Variants in NAIF1 observed in about 807,000 individuals in gnomAD.
NAIF1 encodes the protein nuclear apoptosis inducing factor 1, also known as nuclear apoptosis-inducing factor 1.
In NAIF1, 14 loss-of-function variants were observed where a neutral mutation model predicts 20.7. That is an observed-to-expected ratio of 0.67 (90% CI 0.45 to 1.05). The LOEUF is 1.05. NAIF1 is among the 50% of genes least tolerant of loss of function. The pLI, the probability that NAIF1 is intolerant of heterozygous loss-of-function variation, is 0.00. For missense variants in NAIF1, 362 were observed against 448.8 expected (o/e 0.81, Z 1.75); for synonymous variants, 191 against 191.4 (o/e 1.00, Z 0.02).
In NAIF1 at chr9:128,066,855, C is replaced by T; in HGVS notation, c.247G>A (p.Val83Ile). Reference protein sequence around the residue: ...SDLKTEVRRKVAQVRAAVEGG... With the variant: ...SDLKTEVRRKIAQVRAAVEGG... ...TCCACGGCGGCCCGGACCTGGGCAA[C>T]CTTGCGACGGACCTCGGTCTTGAGG... Residue 83 changes from valine (V) to isoleucine (I), a missense_variant, in exon 1 of 2, where the codon GTT becomes ATT. By Grantham distance (29) the Val-to-Ile change is conservative. Transcript: ENST00000373078. 3 of 1,612,770 alleles carry T rather than the reference C, an allele frequency of 1.9e-6. No individual in the cohort carries two copies. The highest frequency in any genetic ancestry group is 2.5e-6 in the Non-Finnish European group (3 of 1,179,910).
In NAIF1 at chr9:128,063,466, C is replaced by A. The variant is rs2130771962; in HGVS notation, c.946G>T (p.Val316Leu). 8 of 1,609,452 alleles carry A rather than the reference C, an allele frequency of 5.0e-6. No homozygotes were observed. The East Asian group carries it at 1.8e-4, about 36-fold the overall frequency. Reference sequence around the variant, plus strand: ...CTGTCTGGCTGCCCATTCTGGGCCACCTGCCCAGGGTCAGAGGCGGGGGCC... The same window carrying A: ...CTGTCTGGCTGCCCATTCTGGGCCAACTGCCCAGGGTCAGAGGCGGGGGCC... ...NPAPASDPGQ[V>L]AQNGQPDSII... Residue 316 changes from valine (V) to leucine (L), a missense_variant, in exon 2 of 2, where the codon GTG (valine) becomes TTG (leucine). Transcript: ENST00000373078. This position sits in a 1 kb window ranked among gnomAD's most constrained non-coding sequence, Gnocchi z 4.3.
Position 128,063,589 on chromosome 9 carries a change from T to C in NAIF1, c.823A>G (p.Met275Val). The C allele has an allele frequency of 6.2e-7, 1 of 1,613,030 alleles. No homozygotes were observed. The highest frequency in any genetic ancestry group is 8.5e-7 in the Non-Finnish European group (1 of 1,180,042). Residue 275 changes from methionine (M) to valine (V), a missense_variant, in exon 2 of 2, where the codon ATG becomes GTG. This residue lies in a region of NAIF1 where 300 missense variants were observed against 342.7 expected (regional missense o/e 0.88). Coordinates refer to ENST00000373078, the MANE Select transcript of NAIF1 (RefSeq NM_197956.4). The surrounding 1 kb of genome is among the most constrained non-coding windows in gnomAD (Gnocchi z 4.3). ...CTCAGGGCAGCCTGTGTGCCCTCCA[T>C]GGCCTGGGCCTGGCGCTCCTGGGCA... ...ACAQERQAQA[M>V]EGTQAALSVL...
chr9:128,063,691 T>C lies in NAIF1; in HGVS notation c.721A>G (p.Lys241Glu). The change falls in exon 2 of 2, where the codon AAG becomes GAG. Residue 241 changes from lysine to glutamate, a missense_variant. Around this residue, in one of 3 missense-constraint regions of NAIF1, gnomAD observed 300 missense variants for 342.7 expected, o/e 0.88. Coordinates refer to ENST00000373078, the MANE Select transcript of NAIF1 (RefSeq NM_197956.4). The surrounding 1 kb of genome is among the most constrained non-coding windows in gnomAD (Gnocchi z 4.3). Reference protein sequence around the residue: ...QEQRVTNLHVKEIAQHLEQQN... With the variant: ...QEQRVTNLHVEEIAQHLEQQN... ...TGTTCCAGGTGCTGTGCGATCTCCT[T>C]CACATGCAGGTTGGTGACCCGCTGC... 6.2e-7 allele frequency: 1 copy of C among 1,614,220 alleles called. No homozygotes were observed. The highest frequency in any genetic ancestry group is 8.5e-7 in the Non-Finnish European group (1 of 1,180,032).
rs754702783 is a variant in NAIF1 at position 128,063,658 on chromosome 9, C to A, written c.754G>T (p.Asp252Tyr). Residue 252 changes from aspartate (D) to tyrosine (Y), a missense_variant, in exon 2 of 2, where the codon GAC (aspartate) becomes TAC (tyrosine). Transcript: ENST00000373078. This position sits in a 1 kb window ranked among gnomAD's most constrained non-coding sequence, Gnocchi z 4.3. ...GAGCGGCGGATCATCTGCAGTAGGT[C>A]GTTCTGCTGTTCCAGGTGCTGTGCG... is the stretch of plus-strand genomic sequence containing the variant. ...EIAQHLEQQN[D>Y]LLQMIRRSQE... The A allele has an allele frequency of 7.4e-6, 12 of 1,614,174 alleles. No individual in the cohort carries two copies. The East Asian group carries it at 2.7e-4, about 36-fold the overall frequency.
At position 128,066,757 on chromosome 9, in the gene NAIF1, G is replaced by A. The variant is rs771537129; in HGVS notation, c.345C>T (p.Gly115=). 38 of 1,607,858 alleles carry A rather than the reference G, an allele frequency of 2.4e-5. No homozygotes were observed. Among genetic ancestry groups the A allele is most frequent in the Non-Finnish European group, 3.0e-5 (35 of 1,177,100 alleles). Residue 115 remains glycine (G), a synonymous_variant, in exon 1 of 2, where the codon GGC becomes GGT. Transcript: ENST00000373078. ...GCACTGGGGCTACAGCTGGGCCACC[G>A]CCACCACTGCCACCGCCTGTCCCAG... ...GGPGTGGGSG[G]GGPAVAPVLL...
At position 128,066,844 on chromosome 9, in the gene NAIF1, G is replaced by A. The variant is rs1365280785; in HGVS notation, c.258C>T (p.Val86=). The A allele has an allele frequency of 1.2e-6, 2 of 1,612,282 alleles. No individual in the cohort carries two copies. The highest frequency in any genetic ancestry group is 1.7e-6 in the Non-Finnish European group (2 of 1,179,796). Residue 86 remains valine (V), a synonymous_variant, in exon 1 of 2, where the codon GTC becomes GTT. Coordinates refer to ENST00000373078, the MANE Select transcript of NAIF1 (RefSeq NM_197956.4). ...KTEVRRKVAQ[V]RAAVEGGEAP... ...CCTCACCACCCTCCACGGCGGCCCG[G>A]ACCTGGGCAACCTTGCGACGGACCT...
At position 128,063,419 on chromosome 9, in the gene NAIF1, C is replaced by T. The variant is rs753263111; in HGVS notation, c.*9G>A. On this transcript the variant is annotated 3_prime_UTR_variant, in exon 2 of 2. Transcript: ENST00000373078. The surrounding 1 kb of genome is among the most constrained non-coding windows in gnomAD (Gnocchi z 4.3). ...CCATCATGGCAGAAGGCTGGCCTGACCCCTGCCCTCACTGGATGATGCTGT... is the reference window on the plus strand; with the variant it reads ...CCATCATGGCAGAAGGCTGGCCTGATCCCTGCCCTCACTGGATGATGCTGT... The T allele has an allele frequency of 3.7e-6, 6 of 1,602,028 alleles. No homozygotes were observed. Among genetic ancestry groups the T allele is most frequent in the Non-Finnish European group, 5.1e-6 (6 of 1,177,132 alleles).
intron 1 of NAIF1, chr9:128,066,374 G>A (rs1474478214): frequency 4.6e-6 from 2 of 433,770 alleles, no homozygotes; most frequent in Non-Finnish European, 7.9e-6. Context: ...GCTCAGTGGC[G>A]AGCTATCCAG....
chr9:128,063,779 C>A lies in NAIF1; in HGVS notation c.633G>T (p.Thr211=). The A allele has an allele frequency of 6.2e-7, 1 of 1,613,986 alleles. No individual in the cohort carries two copies. Among genetic ancestry groups the A allele is most frequent in the Admixed American group, 1.7e-5 (1 of 60,028 alleles). ...TCTTGAGCGCTTGCGGCTTGACCGA[C>A]GTGTCTGCATGCTGGGCCATCATGT... The part of the protein sequence containing the change: ...PVDMMAQHAD[T]SVKPQALKSR... Residue 211 remains threonine (T), a synonymous_variant, in exon 2 of 2, where the codon ACG becomes ACT. Coordinates refer to ENST00000373078, the MANE Select transcript of NAIF1 (RefSeq NM_197956.4). The surrounding 1 kb of genome is among the most constrained non-coding windows in gnomAD (Gnocchi z 4.3).
Position 128,066,601 on chromosome 9 carries a change from G to T in NAIF1, c.501C>A (p.Thr167=). The change falls in exon 1 of 2, where the codon ACC becomes ACA. Residue 167 remains threonine, a synonymous_variant. Coordinates refer to ENST00000373078, the MANE Select transcript of NAIF1 (RefSeq NM_197956.4). ...GGAGAGGTCACTCACTCTGTGTCAG[G>T]GTGACCGTGGCTGCGGCTGCGGTGG... ...PSATAAAATV[T]LTQIPTETTY... is the part of the protein sequence containing the mutation. 1 of 1,521,894 alleles carries T rather than the reference G, an allele frequency of 6.6e-7. No homozygotes were observed. 94.3% of individuals were successfully genotyped at this position (1,521,894 alleles called of 1,614,324 possible).
chr9:128,066,956 T>A lies in NAIF1; in HGVS notation c.146A>T (p.His49Leu). Residue 49 changes from histidine (H) to leucine (L), a missense_variant, in exon 1 of 2, where the codon CAC becomes CTC. By Grantham distance (99) the His-to-Leu change is moderately conservative. Coordinates refer to ENST00000373078, the MANE Select transcript of NAIF1 (RefSeq NM_197956.4). The part of the protein sequence containing the change: ...VPLAAKSAAW[H>L]GILRRVNAVA... The stretch of plus-strand genomic sequence containing the variant: ...GGCGTTGACCCTTCTCAGGATGCCG[T>A]GCCAGGCCGCACTCTTGGCGGCCAG... 6.2e-7 allele frequency: 1 copy of A among 1,613,104 alleles called. No homozygotes were observed.
At chr9:128,065,577 T>A (rs1832768267) in intron 1 of NAIF1, among the ~76,000 whole-genome samples, 1 of 152,156 alleles carries the variant, frequency 6.6e-6, no homozygotes, top group South Asian at 2.1e-4. Flanking sequence ...CAGAACAGCA[T>A]CTGACCTAGA....
At chr9:128,064,234 G>A (rs1446465551) in intron 1 of NAIF1, among the ~76,000 whole-genome samples, 2 of 151,256 alleles carry the variant, frequency 1.3e-5, no homozygotes, top group Admixed American at 6.6e-5. Flanking sequence ...GACTACAGGC[G>A]CCCGCCACTG....
chr9:128,066,452 C>T (rs915373371), intron 1 of NAIF1, 139 bp downstream of exon 1: 21 of 854,912 alleles, frequency 2.5e-5, no homozygotes, highest in Non-Finnish European at 3.3e-5. Flanking sequence ...TGTCTGGGTG[C>T]TGCTCTTGGA....
In NAIF1 at chr9:128,062,584, A is replaced by G. The variant is rs1484758928; in HGVS notation, c.*844T>C. The G allele has an allele frequency of 6.6e-6, 1 of 152,220 alleles. No homozygotes were observed. The highest frequency in any genetic ancestry group is 1.5e-5 in the Non-Finnish European group (1 of 68,062). The allele number at this position is 152,220 out of a possible 1,614,324, so 9.4% of individuals were successfully genotyped here. ...AGAATAAATACAACTGGCTGGATGC[A>G]AGCCTCCGCACAAAGCCAACAGGTC... On this transcript the variant is annotated 3_prime_UTR_variant, in exon 2 of 2. Transcript: ENST00000373078.
intron 1 of NAIF1, among the ~76,000 whole-genome samples, chr9:128,064,127 C>T (rs531110807): frequency 1.2e-3 from 152 of 127,302 alleles, no homozygotes; most frequent in Admixed American, 2.9e-3. Flanking sequence ...CTCGTTCTGT[C>T]GCCCAGGCGG....
rs1158348956 is a variant in NAIF1 at position 128,067,282 on chromosome 9, G to GC, written c.-182dup. On this transcript the variant is annotated 5_prime_UTR_variant, in exon 1 of 2. Coordinates refer to ENST00000373078, the MANE Select transcript of NAIF1 (RefSeq NM_197956.4). ...CGCTACGCAAAGTGCGTAGGGCCCA[G>GC]CCCCGACCGGCCCGGCCGCTGCCAG... The GC allele has an allele frequency of 6.1e-6, 4 of 657,378 alleles. No individual in the cohort carries two copies. In the African/African-American group the frequency reaches 7.3e-5, roughly 12 times the overall value. 40.7% of individuals were successfully genotyped at this position (657,378 alleles called of 1,614,324 possible). A position where few individuals can be genotyped will look rare whatever the true frequency, so the allele number is the denominator to read the frequency against.
In NAIF1 at chr9:128,062,746, A is replaced by T. The variant is rs1832733776; in HGVS notation, c.*682T>A. On this transcript the variant is annotated 3_prime_UTR_variant, in exon 2 of 2. Transcript: ENST00000373078. ...AGGGCTGCCCAGAGATGCTGTTGAA[A>T]ACCAGAGAGTGGCCAAACCGTCCCC... 6.6e-6 allele frequency: 1 copy of T among 152,476 alleles called. No homozygotes were observed. Among genetic ancestry groups the T allele is most frequent in the South Asian group, 2.1e-4 (1 of 4,840 alleles). 9.4% of individuals were successfully genotyped at this position (152,476 alleles called of 1,614,324 possible).
intron 1 of NAIF1, chr9:128,066,274 G>C: frequency 3.0e-6 from 1 of 328,306 alleles, no homozygotes; most frequent in Non-Finnish European, 5.5e-6. Flanking sequence ...CCTGTGAAAA[G>C]TCCTGTGGGG....
Sources: gnomAD v4.1 joint callset for allele counts (sites outside exome capture counted in the v4.1 genomes callset) on GRCh38, gnomAD v4.1.1 for gene constraint, gnomAD v4.1.1 regional missense constraint, Gnocchi (gnomAD v3.1) non-coding constraint, MANE v1.5 for transcripts, NCBI Gene and HGNC (gene_info 2026-07-23, HGNC 2026-07-21) for gene names.